CNTNAP2: variants seen among roughly 807,000 people sequenced by gnomAD.
The protein encoded by CNTNAP2 is contactin-associated protein-like 2.
A neutral mutation model predicts 155.2 loss-of-function variants in CNTNAP2; 98 were observed. The ratio of observed to expected loss-of-function variants is 0.63; its 90% confidence interval spans 0.54 to 0.75. The LOEUF is 0.75. Ranked by LOEUF, CNTNAP2 falls within the 30% of genes least tolerant of loss-of-function variation. The pLI, the probability that CNTNAP2 is intolerant of heterozygous loss-of-function variation, is 0.00. For missense variants in CNTNAP2, 1,727 were observed against 1,688.1 expected, an observed-to-expected ratio of 1.02 and a Z score of -0.40; for synonymous variants, 651 against 631.2, an observed-to-expected ratio of 1.03 and a Z score of -0.47.
chr7:146,681,874 C>T (rs1410652345), intron 1 of CNTNAP2, among the ~76,000 whole-genome samples: 3 of 152,226 alleles, frequency 2.0e-5, no homozygotes, highest in African/African-American at 7.2e-5. Context: ...CTCCCTTCCC[C>T]ACAATAATTA....
At chr7:146,144,213 G>C (rs890899493) in intron 1 of CNTNAP2, among the ~76,000 whole-genome samples, 2 of 152,084 alleles carry the variant, frequency 1.3e-5, no homozygotes, top group African/African-American at 4.8e-5. Flanking sequence ...GTGCAGTAGT[G>C]TGATCTCAGC....
rs562247150 is a variant in CNTNAP2 at position 147,043,128 on chromosome 7, T to A, written c.403-779T>A. On this transcript the variant is annotated intron_variant, in intron 3 of 23. Coordinates refer to ENST00000361727, the MANE Select transcript of CNTNAP2 (RefSeq NM_014141.6). ...AGATGGTAATTTTTTGAGAGTCGAGTCTATGGTTTCACACATCCTTGAATA... is the reference window on the plus strand; with the variant it reads ...AGATGGTAATTTTTTGAGAGTCGAGACTATGGTTTCACACATCCTTGAATA... 5.9e-5 allele frequency among the ~76,000 whole-genome samples: 9 copies of A among 152,250 alleles called. No homozygotes were observed. In the East Asian group the frequency reaches 1.4e-3, roughly 23 times the overall value.
chr7:147,214,919 G>A (rs1012592218), intron 8 of CNTNAP2, among the ~76,000 whole-genome samples: 1 of 152,132 alleles, frequency 6.6e-6, no homozygotes, highest in Non-Finnish European at 1.5e-5. Flanking sequence ...GAAGGTGAGG[G>A]GGAATCAAGC....
chr7:148,156,771 A>G (rs1163241878), intron 17 of CNTNAP2, among the ~76,000 whole-genome samples: 1 of 152,050 alleles, frequency 6.6e-6, no homozygotes, highest in Admixed American at 6.6e-5. Flanking sequence ...AGCCCTCCCC[A>G]TCTCAGTAGG....
intron 1 of CNTNAP2, among the ~76,000 whole-genome samples, chr7:146,315,320 C>T (rs1800889232): frequency 6.6e-6 from 1 of 152,038 alleles, no homozygotes; most frequent in African/African-American, 2.4e-5. Flanking sequence ...TCTAAGAGCC[C>T]CTCCCCCTTG....
At chr7:146,364,485 G>A (rs1013058860) in intron 1 of CNTNAP2, among the ~76,000 whole-genome samples, 18 of 151,954 alleles carry the variant, frequency 1.2e-4, no homozygotes, top group African/African-American at 4.1e-4. Context: ...ACATTTTAAA[G>A]TAAAAATATA....
intron 3 of CNTNAP2, among the ~76,000 whole-genome samples, chr7:147,041,050 C>A (rs182517976): frequency 3.5e-4 from 53 of 152,274 alleles, no homozygotes; most frequent in Non-Finnish European, 6.0e-4. Flanking sequence ...TGTTGCTAAT[C>A]TTCTTGCTCC....
At chr7:147,397,015 A>G (rs1392819622) in intron 10 of CNTNAP2, among the ~76,000 whole-genome samples, 1 of 152,112 alleles carries the variant, frequency 6.6e-6, no homozygotes, top group African/African-American at 2.4e-5. Flanking sequence ...ATTTTGAAGT[A>G]AGTTTGCTTT....
intron 13 of CNTNAP2, among the ~76,000 whole-genome samples, chr7:147,842,253 A>G (rs1325820999): frequency 6.6e-6 from 1 of 152,232 alleles, no homozygotes; most frequent in Non-Finnish European, 1.5e-5. Flanking sequence ...ATCAGAGGAG[A>G]GCATTATCTC....
In CNTNAP2 at chr7:146,558,743, A is replaced by G. The variant is rs114770114; in HGVS notation, c.98-215528A>G. The stretch of plus-strand genomic sequence containing the variant: ...AAACCAAACTTTGTATTCTTTAACT[A>G]ACACTATCTTCTCCCATATCTCTCC... On this transcript the variant is annotated intron_variant, in intron 1 of 23. Coordinates refer to ENST00000361727, the MANE Select transcript of CNTNAP2 (RefSeq NM_014141.6). 4.6e-3 allele frequency among the ~76,000 whole-genome samples: 699 copies of G among 152,282 alleles called. 5 individuals carry two copies. The highest frequency in any genetic ancestry group is 0.016 in the African/African-American group (652 of 41,552).
intron 15 of CNTNAP2, among the ~76,000 whole-genome samples, chr7:147,994,503 C>T (rs1445400238): frequency 1.3e-5 from 2 of 152,126 alleles, no homozygotes; most frequent in Non-Finnish European, 2.9e-5. Context: ...ATAGGAGGGA[C>T]CCAGTGGGAG....
intron 2 of CNTNAP2, among the ~76,000 whole-genome samples, chr7:146,776,973 A>G (rs1489502958): frequency 6.6e-6 from 1 of 152,180 alleles, no homozygotes; most frequent in Non-Finnish European, 1.5e-5. Flanking sequence ...ATATATTTAT[A>G]TCTACCTAGA....
At chr7:146,685,691 G>A (rs924418367) in intron 1 of CNTNAP2, among the ~76,000 whole-genome samples, 2 of 151,768 alleles carry the variant, frequency 1.3e-5, no homozygotes, top group Non-Finnish European at 2.9e-5. Flanking sequence ...GTCCTGAGGT[G>A]CAAAAGATGG....
intron 15 of CNTNAP2, among the ~76,000 whole-genome samples, chr7:148,116,993 G>T (rs566838644): frequency 6.6e-6 from 1 of 152,280 alleles, no homozygotes; most frequent in African/African-American, 2.4e-5. Flanking sequence ...GACAGTAAGT[G>T]TACTCAGAAA....
chr7:146,475,034 C>CAT (rs1455523697), intron 1 of CNTNAP2, among the ~76,000 whole-genome samples: 2 of 152,064 alleles, frequency 1.3e-5, no homozygotes, highest in African/African-American at 2.4e-5. Flanking sequence ...CACACACACA[C>CAT]ACACACGTAC....
chr7:148,152,730 C>T (rs2116660185), intron 17 of CNTNAP2, among the ~76,000 whole-genome samples: 1 of 152,238 alleles, frequency 6.6e-6, no homozygotes, highest in Non-Finnish European at 1.5e-5. Flanking sequence ...TGCTTTAAAG[C>T]TAAACTCTAG....
At chr7:147,731,855 C>T (rs1034797342) in intron 13 of CNTNAP2, among the ~76,000 whole-genome samples, 1 of 152,008 alleles carries the variant, frequency 6.6e-6, no homozygotes, top group Non-Finnish European at 1.5e-5. Flanking sequence ...GATTCCAACC[C>T]TTATGGATGA....
chr7:148,211,683 C>T (rs1005260963), intron 18 of CNTNAP2, among the ~76,000 whole-genome samples: 25 of 152,146 alleles, frequency 1.6e-4, no homozygotes, highest in African/African-American at 4.8e-4. Context: ...AGCAGAGTTC[C>T]CTGGGGTTCT....
chr7:146,533,038 G>A (rs1447738121), intron 1 of CNTNAP2, among the ~76,000 whole-genome samples: 1 of 146,904 alleles, frequency 6.8e-6, no homozygotes, highest in African/African-American at 2.5e-5. Flanking sequence ...GGAGGCAGAG[G>A]TTGCAGTGAG....
Sources: allele counts gnomAD v4.1 joint callset (sites outside exome capture counted in the v4.1 genomes callset), GRCh38; gene constraint gnomAD v4.1.1; transcripts MANE v1.5; gene names NCBI Gene and HGNC (gene_info 2026-07-23, HGNC 2026-07-21).